The following GULP1 variants were observed in gnomAD, a reference collection of about 807,000 sequenced individuals.
GULP1 encodes the protein PTB domain-containing engulfment adapter protein 1.
A neutral mutation model predicts 40.9 loss-of-function variants in GULP1; 19 were observed. The observed-to-expected ratio is 0.46, with a 90% confidence interval of 0.32 to 0.68. GULP1 has a LOEUF of 0.68. Ranked by LOEUF, GULP1 falls within the 30% of genes least tolerant of loss-of-function variation. The pLI, the probability that GULP1 is intolerant of heterozygous loss-of-function variation, is 0.03. For missense variants in GULP1, 312 were observed against 362.2 expected (o/e 0.86, Z 1.12); for synonymous variants, 119 against 117.6 (o/e 1.01, Z -0.08).
At chr2:188,296,370 T>C (rs2034936019) in intron 1 of GULP1, among the ~76,000 whole-genome samples, 1 of 152,060 alleles carries the variant, frequency 6.6e-6, no homozygotes, top group East Asian at 1.9e-4. Flanking sequence ...TTCAGGCCCT[T>C]GTTATTTGCG....
chr2:188,452,037 A>G (rs1036928158), intron 2 of GULP1, among the ~76,000 whole-genome samples: 3 of 152,192 alleles, frequency 2.0e-5, no homozygotes, highest in Non-Finnish European at 2.9e-5. Context: ...ATAATTTTGG[A>G]TCACTAGAAA....
chr2:188,506,041 G>A (rs924588120), intron 4 of GULP1, among the ~76,000 whole-genome samples: 3 of 151,702 alleles, frequency 2.0e-5, no homozygotes, highest in African/African-American at 7.3e-5. Flanking sequence ...TTAAATTTAG[G>A]AAAGAAGTTT....
intron 2 of GULP1, among the ~76,000 whole-genome samples, chr2:188,467,905 T>C (rs998439232): frequency 5.3e-5 from 8 of 152,160 alleles, no homozygotes; most frequent in African/African-American, 1.7e-4. Flanking sequence ...AAGTGATGAA[T>C]TGAATTAGAT....
intron 2 of GULP1, among the ~76,000 whole-genome samples, chr2:188,387,082 A>C (rs1243084581): frequency 2.6e-5 from 4 of 152,058 alleles, no homozygotes; most frequent in African/African-American, 4.8e-5. Flanking sequence ...CTAAAAATAC[A>C]AAAATTATCT....
At chr2:188,445,795 A>T (rs1009681640) in intron 2 of GULP1, among the ~76,000 whole-genome samples, 1 of 152,132 alleles carries the variant, frequency 6.6e-6, no homozygotes, top group African/African-American at 2.4e-5. Flanking sequence ...TCCATTCCAG[A>T]TCATTATTAA....
intron 2 of GULP1, among the ~76,000 whole-genome samples, chr2:188,448,365 A>G (rs1469558893): frequency 6.6e-6 from 1 of 152,140 alleles, no homozygotes; most frequent in Non-Finnish European, 1.5e-5. Context: ...TTCCCATGTC[A>G]CTGAAAAGAA....
At chr2:188,333,352 T>C (rs1378373958) in intron 1 of GULP1, among the ~76,000 whole-genome samples, 2 of 152,052 alleles carry the variant, frequency 1.3e-5, no homozygotes, top group African/African-American at 4.8e-5. Flanking sequence ...CAAGCGTTAT[T>C]AAGGGGTTGA....
At chr2:188,566,468 T>C (rs1256319102) in intron 7 of GULP1, among the ~76,000 whole-genome samples, 2 of 152,046 alleles carry the variant, frequency 1.3e-5, no homozygotes, top group African/African-American at 4.8e-5. Flanking sequence ...ATTAATAATG[T>C]TACCATTTAA....
intron 2 of GULP1, among the ~76,000 whole-genome samples, chr2:188,431,386 T>C (rs2056852818): frequency 6.6e-6 from 1 of 152,108 alleles, no homozygotes; most frequent in South Asian, 2.1e-4. Context: ...AGAGTTAGCA[T>C]CTCAGGTCTT....
intron 2 of GULP1, among the ~76,000 whole-genome samples, chr2:188,432,154 T>C (rs1319743106): frequency 1.3e-5 from 2 of 151,734 alleles, no homozygotes; most frequent in Admixed American, 1.3e-4. Flanking sequence ...TTATAAATTT[T>C]TTAAGAAAAA....
At chr2:188,532,405 A>T (rs1371268810) in intron 6 of GULP1, among the ~76,000 whole-genome samples, 1 of 152,152 alleles carries the variant, frequency 6.6e-6, no homozygotes, top group Admixed American at 6.5e-5. Flanking sequence ...GCGCTACAAG[A>T]TGGCTACCAC....
intron 2 of GULP1, among the ~76,000 whole-genome samples, chr2:188,404,230 C>A (rs183810123): frequency 1.3e-5 from 2 of 152,114 alleles, no homozygotes; most frequent in Admixed American, 6.5e-5. Flanking sequence ...TGGTTGTCAG[C>A]AAGATGGGCT....
At chr2:188,356,765 T>G (rs1436011732) in intron 1 of GULP1, among the ~76,000 whole-genome samples, 1 of 151,986 alleles carries the variant, frequency 6.6e-6, no homozygotes, top group Non-Finnish European at 1.5e-5. Flanking sequence ...GCCAGAGGCG[T>G]CAAACTTCAA....
chr2:188,444,313 T>C (rs2058200467), intron 2 of GULP1, among the ~76,000 whole-genome samples: 1 of 152,198 alleles, frequency 6.6e-6, no homozygotes, highest in African/African-American at 2.4e-5. Context: ...AGATAATTCA[T>C]ATGTTAAGTA....
chr2:188,350,622 A>C (rs1248077987), intron 1 of GULP1, among the ~76,000 whole-genome samples: 8 of 151,986 alleles, frequency 5.3e-5, no homozygotes, highest in Non-Finnish European at 1.2e-4. Flanking sequence ...CTGTGAATAG[A>C]GATAGTTATA....
chr2:188,435,083 T>C lies in GULP1; in HGVS notation c.-44-42576T>C, dbSNP rs374011710. ...TAGATAGAAGTATAGCTTCATACTT[T>C]CAGATTTATCCTGGCCTTGTCTTCT... On this transcript the variant is annotated intron_variant, in intron 2 of 11. Transcript: ENST00000409830. 2.0e-5 allele frequency among the ~76,000 whole-genome samples: 3 copies of C among 152,202 alleles called. No individual in the cohort carries two copies. The East Asian group carries it at 5.8e-4, about 29-fold the overall frequency.
chr2:188,538,677 G>T (rs1689584351), intron 6 of GULP1, among the ~76,000 whole-genome samples: 1 of 149,420 alleles, frequency 6.7e-6, no homozygotes, highest in Non-Finnish European at 1.5e-5. Context: ...CGGTATGTGT[G>T]TGTGAGTGTG....
chr2:188,529,442 G>C (rs1490141162), intron 6 of GULP1, among the ~76,000 whole-genome samples: 1 of 152,042 alleles, frequency 6.6e-6, no homozygotes, highest in Non-Finnish European at 1.5e-5. Context: ...GTGTTTGGAC[G>C]TGTATTTGGG....
intron 1 of GULP1, among the ~76,000 whole-genome samples, chr2:188,364,333 G>A (rs1374430011): frequency 6.6e-6 from 1 of 152,202 alleles, no homozygotes; most frequent in African/African-American, 2.4e-5. Flanking sequence ...GAGGTCTGTG[G>A]AGAGAATTCA....
Sources: gnomAD v4.1 joint callset for allele counts (sites outside exome capture counted in the v4.1 genomes callset) on GRCh38, gnomAD v4.1.1 for gene constraint, MANE v1.5 for transcripts, NCBI Gene and HGNC (gene_info 2026-07-23, HGNC 2026-07-21) for gene names.